FNTB: variants seen among roughly 807,000 people sequenced by gnomAD.
FNTB encodes the protein farnesyltransferase, CAAX box, subunit beta, also known as protein farnesyltransferase subunit beta.
FNTB carries 27 observed loss-of-function variants against 59.4 expected under a neutral mutation model. The ratio of observed to expected loss-of-function variants is 0.45; its 90% CI spans 0.34 to 0.63. FNTB has a LOEUF of 0.63. Ranked by LOEUF, FNTB falls within the 20% of genes least tolerant of loss-of-function variation. FNTB has a pLI of 0.02. For missense variants in FNTB, 449 were observed against 559.6 expected (o/e 0.80, Z 1.99); for synonymous variants, 230 against 220.7 (o/e 1.04, Z -0.37).
At position 64,990,708 on chromosome 14, in the gene FNTB, T is replaced by C. The variant is rs1488027417; in HGVS notation, c.144+3611T>C. On this transcript the variant is annotated intron_variant, in intron 1 of 11. Transcript: ENST00000246166. This position sits in a 1 kb window ranked among gnomAD's most constrained non-coding sequence, Gnocchi z 5.2. The stretch of plus-strand genomic sequence containing the variant: ...GATCAGAGAGTTTTGAGCAGGGGAG[T>C]GACACAGTCTGACTAGCATTTTAAC... Among the ~76,000 whole-genome samples, 1 of 152,028 alleles carries C rather than the reference T, an allele frequency of 6.6e-6. No individual in the cohort carries two copies. The highest frequency in any genetic ancestry group is 1.5e-5 in the Non-Finnish European group (1 of 68,010).
chr14:65,019,329 A>C (rs897257821), intron 4 of FNTB, among the ~76,000 whole-genome samples: 7 of 152,004 alleles, frequency 4.6e-5, no homozygotes, highest in Admixed American at 2.0e-4. Flanking sequence ...TCTACTAAAA[A>C]TACAAAAAAT....
At chr14:64,989,122 C>T (rs975558918) in intron 1 of FNTB, among the ~76,000 whole-genome samples, 3 of 151,950 alleles carry the variant, frequency 2.0e-5, no homozygotes, top group African/African-American at 7.3e-5. Context: ...CTAAAGCTTC[C>T]ATTTACTGAT....
chr14:65,044,679 C>A lies in FNTB; in HGVS notation c.955+236C>A, dbSNP rs2062435460. ...AATTGGCTGCGACAGAATGAGCTTCCTTGAAATTGCTACGGGGAGCGGGGA... is the reference window on the plus strand; with the variant it reads ...AATTGGCTGCGACAGAATGAGCTTCATTGAAATTGCTACGGGGAGCGGGGA... On this transcript the variant is annotated intron_variant, in intron 9 of 11. Coordinates refer to ENST00000246166, the MANE Select transcript of FNTB (RefSeq NM_002028.4). This position sits in a 1 kb window ranked among gnomAD's most constrained non-coding sequence, Gnocchi z 5.5. 2 of 606,966 alleles carry A rather than the reference C, an allele frequency of 3.3e-6. No homozygotes were observed. Among genetic ancestry groups the A allele is most frequent in the East Asian group, 7.4e-5 (2 of 27,194 alleles). The allele number at this position is 606,966 out of a possible 1,614,324, so 37.6% of individuals were successfully genotyped here.
At position 65,014,027 on chromosome 14, in the gene FNTB, C is replaced by G. The variant is rs1025311649; in HGVS notation, c.283-1598C>G. Among the ~76,000 whole-genome samples, 4 of 152,186 alleles carry G rather than the reference C, an allele frequency of 2.6e-5. No homozygotes were observed. The highest frequency in any genetic ancestry group is 2.0e-4 in the Admixed American group (3 of 15,288). Reference sequence around the variant, plus strand: ...GGCAGTGTCTTCAGTAGCTCACCAGCCTACCTTCCAGGTGGTGGGTTAGCC... The same window carrying G: ...GGCAGTGTCTTCAGTAGCTCACCAGGCTACCTTCCAGGTGGTGGGTTAGCC... On this transcript the variant is annotated intron_variant, in intron 3 of 11. Coordinates refer to ENST00000246166, the MANE Select transcript of FNTB (RefSeq NM_002028.4). This position sits in a 1 kb window ranked among gnomAD's most constrained non-coding sequence, Gnocchi z 5.1.
intron 11 of FNTB, among the ~76,000 whole-genome samples, chr14:65,060,601 CAGG>C (rs1174732359): frequency 9.0e-6 from 1 of 110,732 alleles, no homozygotes; most frequent in Admixed American, 8.1e-5. Flanking sequence ...GAGGCTGAGG[CAGG>C]AGAATGGCGT....
In FNTB at chr14:65,032,532, C is replaced by A; in HGVS notation, c.606-78C>A. ...ATTACAGCTTACTAGGCAAGGCGAG[C>A]AGTCCGCCCGCGGAGTTCACTGAGC... is the stretch of plus-strand genomic sequence containing the variant. On this transcript the variant is annotated intron_variant, in intron 6 of 11. Transcript: ENST00000246166. This position sits in a 1 kb window ranked among gnomAD's most constrained non-coding sequence, Gnocchi z 5.0. 1 of 1,516,970 alleles carries A rather than the reference C, an allele frequency of 6.6e-7. No individual in the cohort carries two copies. The highest frequency in any genetic ancestry group is 1.2e-5 in the South Asian group (1 of 82,200). 94.0% of individuals were successfully genotyped at this position (1,516,970 alleles called of 1,614,324 possible).
chr14:65,031,162 C>T lies in FNTB; in HGVS notation c.606-1448C>T, dbSNP rs893430084. Among the ~76,000 whole-genome samples the T allele has an allele frequency of 4.6e-5, 7 of 151,772 alleles. No homozygotes were observed. The highest frequency in any genetic ancestry group is 2.1e-4 in the South Asian group (1 of 4,800). On this transcript the variant is annotated intron_variant, in intron 6 of 11. Transcript: ENST00000246166. This position sits in a 1 kb window ranked among gnomAD's most constrained non-coding sequence, Gnocchi z 4.6. ...CCAATGATTTTTGTCTTCCCTGTGC[C>T]GGGTATTTGAAAAAACCATAGAGGG... is the stretch of plus-strand genomic sequence containing the variant.
chr14:65,056,362 A>G (rs919472957), intron 11 of FNTB, among the ~76,000 whole-genome samples: 3 of 152,182 alleles, frequency 2.0e-5, no homozygotes, highest in African/African-American at 7.2e-5. Context: ...ACGTTGTGGT[A>G]TCTGTCTCAT....
At chr14:65,048,822 G>A (rs904136817) in intron 9 of FNTB, among the ~76,000 whole-genome samples, 3 of 151,974 alleles carry the variant, frequency 2.0e-5, no homozygotes, top group African/African-American at 4.8e-5. Context: ...TGCAACTCCA[G>A]CCTGAGCGAC....
At chr14:65,056,015 A>C (rs1051923985) in intron 11 of FNTB, among the ~76,000 whole-genome samples, 1 of 152,196 alleles carries the variant, frequency 6.6e-6, no homozygotes, top group Non-Finnish European at 1.5e-5. Flanking sequence ...CTCCAGAGGT[A>C]ACCCTGTCCC....
chr14:65,004,732 G>A (rs140408253), intron 2 of FNTB, among the ~76,000 whole-genome samples: 8 of 151,626 alleles, frequency 5.3e-5, no homozygotes, highest in African/African-American at 1.9e-4. Context: ...GCACAATCTC[G>A]GCTCTCTGGA....
chr14:65,040,266 T>C (rs916740430), intron 7 of FNTB, among the ~76,000 whole-genome samples: 2 of 149,242 alleles, frequency 1.3e-5, no homozygotes, highest in Non-Finnish European at 3.0e-5. Context: ...TATGTATATA[T>C]ATGTATATAT....
intron 4 of FNTB, among the ~76,000 whole-genome samples, chr14:65,019,459 C>T (rs555625219): frequency 3.3e-5 from 5 of 152,148 alleles, no homozygotes; most frequent in Non-Finnish European, 7.3e-5. Flanking sequence ...TGCACTCCAG[C>T]CTGGGTAACA....
In FNTB at chr14:65,044,823, C is replaced by A; in HGVS notation, c.955+380C>A. ...GAGCTGAAAACCCTCAGTGTTGCAA[C>A]AGTCACTGTTGCAACAGCAACAGGA... is the stretch of plus-strand genomic sequence containing the variant. On this transcript the variant is annotated intron_variant, in intron 9 of 11. Coordinates refer to ENST00000246166, the MANE Select transcript of FNTB (RefSeq NM_002028.4). This position sits in a 1 kb window ranked among gnomAD's most constrained non-coding sequence, Gnocchi z 5.5. 5.4e-6 allele frequency: 1 copy of A among 184,136 alleles called. No individual in the cohort carries two copies. The highest frequency in any genetic ancestry group is 1.1e-5 in the Non-Finnish European group (1 of 89,322). The allele number at this position is 184,136 out of a possible 1,614,324, so 11.4% of individuals were successfully genotyped here.
At chr14:65,024,579 C>T (rs977026646) in intron 4 of FNTB, among the ~76,000 whole-genome samples, 7 of 152,216 alleles carry the variant, frequency 4.6e-5, no homozygotes, top group Middle Eastern at 3.4e-3. Context: ...GGCACGTAAG[C>T]TAGAATGAAA....
intron 8 of FNTB, 55 bp downstream of exon 8, chr14:65,040,974 T>G: frequency 3.8e-6 from 6 of 1,597,118 alleles, no homozygotes; most frequent in Non-Finnish European, 5.1e-6. Flanking sequence ...GTGATGTGAT[T>G]GTACTCAGAC....
In FNTB at chr14:65,044,760, G is replaced by A. The variant is rs1469607112; in HGVS notation, c.955+317G>A. The A allele has an allele frequency of 9.3e-6, 3 of 322,380 alleles. No homozygotes were observed. The highest frequency in any genetic ancestry group is 1.7e-5 in the Non-Finnish European group (3 of 176,218). 20.0% of individuals were successfully genotyped at this position (322,380 alleles called of 1,614,324 possible). A position where few individuals can be genotyped will look rare whatever the true frequency, so the allele number is the denominator to read the frequency against. ...AAGGAGCAGCCCACTCCTGTCCTGG[G>A]CTCTGTGGTGATTGCCACCTCCTCT... On this transcript the variant is annotated intron_variant, in intron 9 of 11. Coordinates refer to ENST00000246166, the MANE Select transcript of FNTB (RefSeq NM_002028.4). The surrounding 1 kb of genome is among the most constrained non-coding windows in gnomAD (Gnocchi z 5.5).
In FNTB at chr14:65,047,418, C is replaced by T. The variant is rs568660462; in HGVS notation, c.955+2975C>T. 5.9e-5 allele frequency among the ~76,000 whole-genome samples: 9 copies of T among 152,260 alleles called. No individual in the cohort carries two copies. Among genetic ancestry groups the T allele is most frequent in the African/African-American group, 7.2e-5 (3 of 41,564 alleles). On this transcript the variant is annotated intron_variant, in intron 9 of 11. Coordinates refer to ENST00000246166, the MANE Select transcript of FNTB (RefSeq NM_002028.4). The surrounding 1 kb of genome is among the most constrained non-coding windows in gnomAD (Gnocchi z 5.2). ...CCACAGTAGGTGGCCATTAATCCAACGAAAAATTGTTTAGCTCACTTGTAG... is the reference window on the plus strand; with the variant it reads ...CCACAGTAGGTGGCCATTAATCCAATGAAAAATTGTTTAGCTCACTTGTAG...
At chr14:65,005,523 T>TCTCTC (rs1566865156) in intron 2 of FNTB, among the ~76,000 whole-genome samples, 2 of 72,824 alleles carry the variant, frequency 2.7e-5, no homozygotes, top group African/African-American at 1.2e-4. Context: ...CTCTCTCTCT[T>TCTCTC]TCTCTTTCTC....
Sources: allele counts gnomAD v4.1 joint callset (sites outside exome capture counted in the v4.1 genomes callset), GRCh38; gene constraint gnomAD v4.1.1; non-coding constraint Gnocchi (gnomAD v3.1); transcripts MANE v1.5; gene names NCBI Gene and HGNC (gene_info 2026-07-23, HGNC 2026-07-21).